KSR2: variants seen among roughly 807,000 people sequenced by gnomAD.
KSR2 encodes the protein kinase suppressor of ras 2.
In KSR2, 25 loss-of-function variants were observed where a neutral mutation model predicts 107.8. The observed-to-expected ratio is 0.23, with a 90% confidence interval of 0.17 to 0.32. The LOEUF is 0.32. Among genes scored for constraint, KSR2 ranks in the 10% least tolerant of loss-of-function variants. The pLI is 1.00. For synonymous variants in KSR2, 480 were observed against 507.0 expected, an observed-to-expected ratio of 0.95 and a Z score of 0.71; for missense variants, 887 against 1,268.9, an observed-to-expected ratio of 0.70 and a Z score of 4.57.
intron 9 of KSR2, among the ~76,000 whole-genome samples, chr12:117,548,381 C>A (rs1877036495): frequency 6.6e-6 from 1 of 152,270 alleles, no homozygotes. Context: ...AGGATGAAGA[C>A]CTTTATGATG....
At chr12:117,906,192 A>G (rs1206244267) in intron 1 of KSR2, among the ~76,000 whole-genome samples, 41 of 152,024 alleles carry the variant, frequency 2.7e-4, no homozygotes, top group Admixed American at 2.6e-3. Context: ...CTCTACAAAA[A>G]TACAAAAAAA....
At chr12:117,727,649 G>C (rs185124200) in intron 4 of KSR2, among the ~76,000 whole-genome samples, 2 of 152,228 alleles carry the variant, frequency 1.3e-5, no homozygotes, top group East Asian at 3.9e-4. Flanking sequence ...ATCAGAAGCT[G>C]GGAGAGGCAA....
chr12:117,531,205 T>A (rs369576786), intron 11 of KSR2, among the ~76,000 whole-genome samples, 192 bp from the exon 12 acceptor site: 1 of 152,248 alleles, frequency 6.6e-6, no homozygotes, highest in African/African-American at 2.4e-5. Context: ...CTGGATGACA[T>A]CCTCAACAAA....
chr12:117,761,892 C>T (rs184505480), intron 3 of KSR2, among the ~76,000 whole-genome samples: 2 of 152,300 alleles, frequency 1.3e-5, no homozygotes, highest in East Asian at 3.9e-4. Flanking sequence ...ATTATATGTG[C>T]ATTACATCAT....
chr12:117,718,960 G>A (rs142094138), intron 4 of KSR2, among the ~76,000 whole-genome samples: 148 of 152,268 alleles, frequency 9.7e-4, no homozygotes, highest in Middle Eastern at 3.4e-3. Flanking sequence ...CTAAACAGCC[G>A]CTCATCAATG....
At chr12:117,600,609 T>C (rs1880886751) in intron 5 of KSR2, among the ~76,000 whole-genome samples, 1 of 152,226 alleles carries the variant, frequency 6.6e-6, no homozygotes, top group African/African-American at 2.4e-5. Context: ...GCCTGATCTA[T>C]GCCTCTTACC....
intron 3 of KSR2, among the ~76,000 whole-genome samples, chr12:117,770,917 C>T (rs1182246514): frequency 6.9e-6 from 1 of 144,144 alleles, no homozygotes; most frequent in African/African-American, 2.6e-5. Flanking sequence ...GCGGAGCTTG[C>T]AGTGGGCCAA....
At chr12:117,711,755 C>T (rs1886791549) in intron 4 of KSR2, among the ~76,000 whole-genome samples, 1 of 152,214 alleles carries the variant, frequency 6.6e-6, no homozygotes, top group Non-Finnish European at 1.5e-5. Context: ...ATGTATTCAA[C>T]ATCACCTTAA....
At chr12:117,617,871 C>A (rs762157630) in intron 5 of KSR2, among the ~76,000 whole-genome samples, 1 of 152,050 alleles carries the variant, frequency 6.6e-6, no homozygotes, top group African/African-American at 2.4e-5. Flanking sequence ...TAAACCTAGA[C>A]GAGTTGAGGA....
chr12:117,654,675 C>G (rs1056611930), intron 5 of KSR2, among the ~76,000 whole-genome samples: 1 of 152,148 alleles, frequency 6.6e-6, no homozygotes, highest in African/African-American at 2.4e-5. Context: ...TTGGAAGAAG[C>G]ATTATTGGAA....
chr12:117,962,055 G>A (rs999330656), intron 1 of KSR2, among the ~76,000 whole-genome samples: 1 of 150,814 alleles, frequency 6.6e-6, no homozygotes, highest in Non-Finnish European at 1.5e-5. Flanking sequence ...TGAGACAGGA[G>A]GATCGCTTGA....
chr12:117,614,234 G>A (rs186907852), intron 5 of KSR2, among the ~76,000 whole-genome samples: 10 of 152,180 alleles, frequency 6.6e-5, no homozygotes, highest in South Asian at 2.1e-4. Context: ...ACTTAAAAAG[G>A]ATGTACCCAG....
At chr12:117,741,578 A>C (rs1292013792) in intron 4 of KSR2, among the ~76,000 whole-genome samples, 2 of 152,018 alleles carry the variant, frequency 1.3e-5, no homozygotes, top group African/African-American at 4.8e-5. Context: ...AAAATCTCAA[A>C]CATCTCTTGA....
At chr12:117,830,054 G>A (rs1217994277) in intron 3 of KSR2, among the ~76,000 whole-genome samples, 1 of 152,146 alleles carries the variant, frequency 6.6e-6, no homozygotes, top group East Asian at 1.9e-4. Context: ...GATCATTTGA[G>A]GTCAGGAGTT....
chr12:117,555,208 G>A lies in KSR2; in HGVS notation c.1479C>T (p.His493=). The A allele has an allele frequency of 6.2e-7, 1 of 1,613,976 alleles. No individual in the cohort carries two copies. The highest frequency in any genetic ancestry group is 8.5e-7 in the Non-Finnish European group (1 of 1,179,890). Residue 493 remains histidine (H), a synonymous_variant, in exon 9 of 20, where the codon CAC becomes CAT. Coordinates refer to ENST00000339824, the MANE Select transcript of KSR2 (RefSeq NM_173598.6). ...LRKPPRYSDL[H]ISQTLPKTNK... ...TGGTTTTGGGGAGCGTCTGACTGATGTGCAGGTCTGAATAGCGAGGTGGCT... is the reference window on the plus strand; with the variant it reads ...TGGTTTTGGGGAGCGTCTGACTGATATGCAGGTCTGAATAGCGAGGTGGCT...
At position 117,711,469 on chromosome 12, in the gene KSR2, G is replaced by A. The variant is rs541456704; in HGVS notation, c.987-43811C>T. Among the ~76,000 whole-genome samples the A allele has an allele frequency of 5.9e-5, 9 of 152,370 alleles. No individual in the cohort carries two copies. The South Asian group carries it at 1.4e-3, about 25-fold the overall frequency. ...GTTTGGAGGAAGGCAATCACAGTTGGAGGGAAGCACGTGGAGATGTGCAAA... is the reference window on the plus strand; with the variant it reads ...GTTTGGAGGAAGGCAATCACAGTTGAAGGGAAGCACGTGGAGATGTGCAAA... On this transcript the variant is annotated intron_variant, in intron 4 of 19. Transcript: ENST00000339824.
chr12:117,504,897 C>A (rs1487360852), intron 14 of KSR2, among the ~76,000 whole-genome samples: 1 of 151,986 alleles, frequency 6.6e-6, no homozygotes, highest in African/African-American at 2.4e-5. Context: ...GTTTTTAATC[C>A]CACACTCCCT....
intron 5 of KSR2, among the ~76,000 whole-genome samples, chr12:117,618,604 T>C (rs569008602): frequency 3.3e-5 from 5 of 152,200 alleles, no homozygotes; most frequent in African/African-American, 1.2e-4. Context: ...TAGGAGATAA[T>C]TGAATCATGG....
intron 8 of KSR2, among the ~76,000 whole-genome samples, chr12:117,556,766 G>T (rs1877726079): frequency 6.6e-6 from 1 of 152,210 alleles, no homozygotes. Context: ...GTACCCTAAA[G>T]TTGCTCCCTG....
Sources: allele counts gnomAD v4.1 joint callset (sites outside exome capture counted in the v4.1 genomes callset), GRCh38; gene constraint gnomAD v4.1.1; transcripts MANE v1.5; gene names NCBI Gene and HGNC (gene_info 2026-07-23, HGNC 2026-07-21).